Variants in NTN4 observed in about 807,000 individuals in gnomAD.
The protein encoded by NTN4 is netrin 4, also known as netrin-4.
In NTN4, 32 loss-of-function variants were observed where a neutral mutation model predicts 73.6. The ratio of observed to expected loss-of-function variants is 0.44; its 90% CI spans 0.33 to 0.58. The LOEUF (loss-of-function observed/expected upper bound fraction) is 0.58, where lower values mean the gene tolerates loss of function less well. Among genes scored for constraint, NTN4 ranks in the 20% least tolerant of loss-of-function variants. The probability of loss-of-function intolerance (pLI) is 0.04; values close to 1 mark genes in which losing one functional copy is unlikely to be tolerated. For synonymous variants in NTN4, 258 were observed against 287.5 expected, an observed-to-expected ratio of 0.90 and a Z score of 1.04; for missense variants, 654 against 798.3, an observed-to-expected ratio of 0.82 and a Z score of 2.18.
intron 2 of NTN4, among the ~76,000 whole-genome samples, chr12:95,768,462 G>A (rs2121263190): frequency 6.6e-6 from 1 of 152,114 alleles, no homozygotes; most frequent in South Asian, 2.1e-4. Flanking sequence ...AGCCAAGGAG[G>A]GTCAGAGAGT....
intron 2 of NTN4, among the ~76,000 whole-genome samples, chr12:95,770,321 T>G (rs936105615): frequency 6.6e-6 from 1 of 152,198 alleles, no homozygotes; most frequent in Non-Finnish European, 1.5e-5. Context: ...TGGGCTTACA[T>G]TCTTCTGAGC....
intron 2 of NTN4, among the ~76,000 whole-genome samples, chr12:95,745,994 T>C (rs544183301): frequency 2.0e-4 from 31 of 152,306 alleles, no homozygotes; most frequent in African/African-American, 4.6e-4. Context: ...CTTCAGGGTG[T>C]AATGCCCAAC....
At chr12:95,682,861 T>A (rs777637361) in intron 6 of NTN4, 39 bp from the exon 7 acceptor site, 1 of 1,252,522 alleles carries the variant, frequency 8.0e-7, no homozygotes, top group Non-Finnish European at 1.2e-6. Context: ...TATTCAGGAA[T>A]TTTTTAGAAC....
intron 2 of NTN4, among the ~76,000 whole-genome samples, chr12:95,743,725 C>T (rs777726292): frequency 1.3e-5 from 2 of 152,176 alleles, no homozygotes; most frequent in Non-Finnish European, 2.9e-5. Context: ...AATCCTTTTA[C>T]ATTTATCAAT....
At chr12:95,685,121 C>A (rs1393153128) in intron 5 of NTN4, among the ~76,000 whole-genome samples, 1 of 152,172 alleles carries the variant, frequency 6.6e-6, no homozygotes. Flanking sequence ...CCACCTCGAC[C>A]TCCCAAAGTG....
rs896648119 is a variant in NTN4, at chr12:95,735,272, T to A, written c.864+2594A>T. On this transcript the variant is annotated intron_variant, in intron 3 of 9. Coordinates refer to ENST00000343702, the MANE Select transcript of NTN4 (RefSeq NM_021229.4). ...TTCTTTTTTCTAAAGAGAATAGGGATAGCAAGAATTGTGATGGAACTGGAT... is the reference window on the plus strand; with the variant it reads ...TTCTTTTTTCTAAAGAGAATAGGGAAAGCAAGAATTGTGATGGAACTGGAT... 1.4e-4 allele frequency among the ~76,000 whole-genome samples: 22 copies of A among 152,250 alleles called. No individual in the cohort carries two copies. In the South Asian group the frequency reaches 4.6e-3, roughly 32 times the overall value.
chr12:95,715,478 G>A (rs1010661435), intron 3 of NTN4, among the ~76,000 whole-genome samples: 2 of 152,156 alleles, frequency 1.3e-5, no homozygotes, highest in African/African-American at 4.8e-5. Flanking sequence ...CCCCAAGTAT[G>A]AATTGAGTTA....
intron 3 of NTN4, among the ~76,000 whole-genome samples, chr12:95,720,317 A>G (rs1405692221): frequency 6.6e-6 from 1 of 152,196 alleles, no homozygotes; most frequent in Admixed American, 6.5e-5. Flanking sequence ...TACTTCACTA[A>G]TTTGCCAAGA....
intron 3 of NTN4, among the ~76,000 whole-genome samples, chr12:95,724,355 A>G (rs1488024354): frequency 2.0e-5 from 3 of 152,188 alleles, no homozygotes; most frequent in African/African-American, 7.2e-5. Flanking sequence ...TGTTTCCAAT[A>G]GGTTTTAAAA....
In NTN4 at chr12:95,683,563, G is replaced by C. The variant is rs777010689; in HGVS notation, c.1329C>G (p.Asp443Glu). 2 of 1,614,218 alleles carry C rather than the reference G, an allele frequency of 1.2e-6. No individual in the cohort carries two copies. The highest frequency in any genetic ancestry group is 1.7e-6 in the Non-Finnish European group (2 of 1,180,032). The change falls in exon 6 of 10, where the codon GAC (aspartate) becomes GAG (glutamate). Residue 443 changes from aspartate (D) to glutamate (E), a missense_variant. By Grantham distance (45) the Asp-to-Glu change is conservative. Coordinates refer to ENST00000343702, the MANE Select transcript of NTN4 (RefSeq NM_021229.4). ...CACAGTCACATGGTCGACAGCCATA[G>C]TCTCCGAAGCCCCAGTATCCCACCA... ...RCMVGYWGFG[D>E]YGCRPCDCAG...
chr12:95,783,849 AT>A (rs1442591454), intron 2 of NTN4, among the ~76,000 whole-genome samples: 1 of 152,146 alleles, frequency 6.6e-6, no homozygotes, highest in Non-Finnish European at 1.5e-5. Flanking sequence ...TTCTGGGTGA[AT>A]TTTTGGGCCC....
intron 5 of NTN4, among the ~76,000 whole-genome samples, chr12:95,697,395 G>A (rs982436163): frequency 6.6e-6 from 1 of 152,116 alleles, no homozygotes; most frequent in Non-Finnish European, 1.5e-5. Context: ...ATAGAAAGTT[G>A]CTGTAGTATC....
At chr12:95,745,456 T>G (rs1044011167) in intron 2 of NTN4, among the ~76,000 whole-genome samples, 3 of 152,212 alleles carry the variant, frequency 2.0e-5, no homozygotes, top group Non-Finnish European at 4.4e-5. Flanking sequence ...TGGTATGTAT[T>G]TTTCATCTCA....
chr12:95,673,277 C>A, intron 7 of NTN4: 1 of 339,894 alleles, frequency 2.9e-6, no homozygotes. Context: ...AATAGCACTT[C>A]TAGGGCATGG....
In NTN4 at chr12:95,752,946, G is replaced by A. The variant is rs150996505; in HGVS notation, c.586-14802C>T. Among the ~76,000 whole-genome samples, 1,102 of 151,972 alleles carry A rather than the reference G, an allele frequency of 7.3e-3. 12 individuals carry two copies. Among genetic ancestry groups the A allele is most frequent in the Middle Eastern group, 0.054 (16 of 294 alleles). ...CTGATGCATATACTTTCTGCTCCCC[G>A]GCTCCTTCAGCTGTGCTCGCTCTTT... On this transcript the variant is annotated intron_variant, in intron 2 of 9. Coordinates refer to ENST00000343702, the MANE Select transcript of NTN4 (RefSeq NM_021229.4).
intron 1 of NTN4, 151 bp from the exon 2 acceptor site, chr12:95,787,619 G>T: frequency 2.9e-6 from 2 of 693,268 alleles, no homozygotes; most frequent in Non-Finnish European, 4.8e-6. Flanking sequence ...CCATGTTCCT[G>T]TTTGAGCATG....
chr12:95,674,092 G>A (rs890547495), intron 7 of NTN4: 1 of 152,094 alleles, frequency 6.6e-6, no homozygotes, highest in Non-Finnish European at 1.5e-5. Context: ...TTGAGCCCAG[G>A]AGGTCAAGGC....
chr12:95,751,374 C>T (rs1210398866), intron 2 of NTN4, among the ~76,000 whole-genome samples: 1 of 152,164 alleles, frequency 6.6e-6, no homozygotes, highest in Non-Finnish European at 1.5e-5. Flanking sequence ...ACATCTCCAG[C>T]ACACAAGAAC....
At chr12:95,672,473 C>T in intron 7 of NTN4, 3 of 1,512,328 alleles carry the variant, frequency 2.0e-6, no homozygotes, top group South Asian at 2.3e-5. Context: ...ATCTGCTTCA[C>T]CTCAGTGCAG....
Sources: allele counts gnomAD v4.1 joint callset (sites outside exome capture counted in the v4.1 genomes callset), GRCh38; gene constraint gnomAD v4.1.1; transcripts MANE v1.5; gene names NCBI Gene and HGNC (gene_info 2026-07-23, HGNC 2026-07-21).